The following APIP variants were observed in gnomAD, a reference collection of about 807,000 sequenced individuals.
The protein encoded by APIP is APAF1 interacting protein.
APIP carries 32 observed loss-of-function variants against 32.0 expected under a neutral mutation model. That is an observed-to-expected ratio of 1.00 (90% CI 0.76 to 1.34). APIP has a LOEUF of 1.34. Ranked by LOEUF, APIP falls within the 40% of genes most tolerant of loss-of-function variation. APIP has a pLI of 0.00. For missense variants in APIP, 247 were observed against 298.6 expected (o/e 0.83, Z 1.27); for synonymous variants, 92 against 94.8 (o/e 0.97, Z 0.17).
At chr11:34,908,618 C>T (rs1309036517) in intron 1 of APIP, among the ~76,000 whole-genome samples, 2 of 152,240 alleles carry the variant, frequency 1.3e-5, no homozygotes, top group East Asian at 1.9e-4. Flanking sequence ...AGCTGTGTGC[C>T]CTAAGGCAAG....
intron 1 of APIP, among the ~76,000 whole-genome samples, chr11:34,901,471 CAAAG>C (rs1330138518): frequency 1.8e-4 from 27 of 152,198 alleles, no homozygotes; most frequent in South Asian, 1.0e-3. Context: ...TTCTGGAAAT[CAAAG>C]GAAGGAAGGA....
intron 1 of APIP, among the ~76,000 whole-genome samples, chr11:34,906,092 T>C (rs1853447704): frequency 6.6e-6 from 1 of 152,174 alleles, no homozygotes; most frequent in African/African-American, 2.4e-5. Context: ...GGGAAACTTC[T>C]AAGATATCAG....
At position 34,896,381 on chromosome 11, in the gene APIP, AC is replaced by A. The variant is rs566784026; in HGVS notation, c.58-1272del. 3.8e-3 allele frequency among the ~76,000 whole-genome samples: 573 copies of A among 152,374 alleles called. 3 individuals are homozygous for A. The highest frequency in any genetic ancestry group is 5.9e-3 in the Non-Finnish European group (401 of 68,032). ...ATGTGACACATATACACAATGGAAT[AC>A]TATGCAGCCATAAAAAAGGATGAGC... is the stretch of plus-strand genomic sequence containing the variant. On this transcript the variant is annotated intron_variant, in intron 1 of 6. Transcript: ENST00000395787.
intron 1 of APIP, among the ~76,000 whole-genome samples, chr11:34,901,813 G>A (rs747790484): frequency 4.6e-5 from 7 of 152,134 alleles, no homozygotes; most frequent in South Asian, 2.1e-4. Context: ...AGGATAGGTC[G>A]AGCTATAACC....
intron 1 of APIP, among the ~76,000 whole-genome samples, chr11:34,897,375 T>C (rs1254605165): frequency 6.6e-6 from 1 of 152,200 alleles, no homozygotes; most frequent in East Asian, 1.9e-4. Flanking sequence ...AGGATTAAAA[T>C]GAGATACAAT....
intron 5 of APIP, among the ~76,000 whole-genome samples, chr11:34,884,199 T>C (rs1853018573): frequency 6.6e-6 from 1 of 152,214 alleles, no homozygotes; most frequent in Admixed American, 6.5e-5. Context: ...TAAGCTTTCC[T>C]TTTTACATGA....
At chr11:34,910,161 A>T (rs1213676902) in intron 1 of APIP, among the ~76,000 whole-genome samples, 1 of 152,240 alleles carries the variant, frequency 6.6e-6, no homozygotes, top group African/African-American at 2.4e-5. Flanking sequence ...AATATTCTCC[A>T]GCAATGTTCA....
chr11:34,898,031 C>T lies in APIP; in HGVS notation c.58-2921G>A, dbSNP rs115967092. Among the ~76,000 whole-genome samples the T allele has an allele frequency of 9.9e-3, 1,512 of 152,146 alleles. 31 individuals carry two copies. Among genetic ancestry groups the T allele is most frequent in the African/African-American group, 0.034 (1,392 of 41,494 alleles). On this transcript the variant is annotated intron_variant, in intron 1 of 6. Transcript: ENST00000395787. ...TTATTAAACTCTCCATTCCTTAAAACCACTCCACGTGTGTCCATGTTATTT... is the reference window on the plus strand; with the variant it reads ...TTATTAAACTCTCCATTCCTTAAAATCACTCCACGTGTGTCCATGTTATTT...
chr11:34,914,983 A>G (rs3763936), intron 1 of APIP, among the ~76,000 whole-genome samples: 27,358 of 139,472 alleles, frequency 0.2, 3,745 homozygotes, highest in African/African-American at 0.41. Flanking sequence ...CAGCCTGGGC[A>G]ACAAGAGCAA....
At chr11:34,912,275 C>T (rs534554253) in intron 1 of APIP, among the ~76,000 whole-genome samples, 87 of 152,210 alleles carry the variant, frequency 5.7e-4, no homozygotes, top group African/African-American at 2.0e-3. Context: ...GAATGGGCTA[C>T]AGAGTGTTCA....
At chr11:34,885,356 G>A (rs1853049020) in intron 5 of APIP, among the ~76,000 whole-genome samples, 1 of 151,396 alleles carries the variant, frequency 6.6e-6, no homozygotes, top group African/African-American at 2.4e-5. Context: ...CAGATATGAT[G>A]GTGGTCCTAT....
At chr11:34,886,665 T>A (rs1234482468) in intron 5 of APIP, among the ~76,000 whole-genome samples, 1 of 152,206 alleles carries the variant, frequency 6.6e-6, no homozygotes, top group Non-Finnish European at 1.5e-5. Context: ...CTTAGACAGG[T>A]GTGCCACTTT....
At chr11:34,903,368 G>C (rs190135994) in intron 1 of APIP, among the ~76,000 whole-genome samples, 28 of 152,292 alleles carry the variant, frequency 1.8e-4, no homozygotes, top group Admixed American at 1.5e-3. Context: ...CTCCCTCCAG[G>C]CACAAGTGCT....
intron 2 of APIP, among the ~76,000 whole-genome samples, chr11:34,892,046 A>C (rs529638038): frequency 8.7e-4 from 132 of 152,270 alleles, no homozygotes; most frequent in Middle Eastern, 3.4e-3. Flanking sequence ...AGGAAAACCA[A>C]GGGTACTCTG....
chr11:34,891,608 G>A (rs1189727629), intron 2 of APIP, among the ~76,000 whole-genome samples: 1 of 152,088 alleles, frequency 6.6e-6, no homozygotes. Context: ...GCTTGGAACC[G>A]ATAAAAATCT....
chr11:34,888,378 G>C lies in APIP; in HGVS notation c.376C>G (p.Leu126Val), dbSNP rs1353981598. ...TTAAACTCCCGTCCTGGAAAGAGAA[G>C]TGTGGCCATCACAGCAGCTTTAGAG... ...THSKAAVMATLLFPGREFKIT... is the reference protein window; with the variant it reads ...THSKAAVMATVLFPGREFKIT... The change falls in exon 5 of 7, where the codon CTT becomes GTT. Residue 126 changes from leucine to valine, a missense_variant. Coordinates refer to ENST00000395787, the MANE Select transcript of APIP (RefSeq NM_015957.4). The C allele has an allele frequency of 2.5e-6, 4 of 1,611,150 alleles. No homozygotes were observed. Among genetic ancestry groups the C allele is most frequent in the Middle Eastern group, 1.7e-4 (1 of 6,056 alleles).
At position 34,888,297 on chromosome 11, in the gene APIP, A is replaced by G; in HGVS notation, c.457T>C (p.Tyr153His). The change falls in exon 5 of 7, where the codon TAT becomes CAT. Residue 153 changes from tyrosine (Y) to histidine (H), a missense_variant. Physicochemically the swap from Tyr to His is moderately conservative, Grantham distance 83. Coordinates refer to ENST00000395787, the MANE Select transcript of APIP (RefSeq NM_015957.4). ...AGAAAAAGGAAAAAAAAATACCTAT[A>G]ATACCCTCCGGAAGTACATTTCTTT... ...GIKKCTSGGY[Y>H]RYDDMLVVPI... is the part of the protein sequence containing the mutation. 1.3e-6 allele frequency: 2 copies of G among 1,590,378 alleles called. No individual in the cohort carries two copies. Among genetic ancestry groups the G allele is most frequent in the Non-Finnish European group, 1.7e-6 (2 of 1,172,620 alleles).
chr11:34,888,834 C>T lies in APIP; in HGVS notation c.243G>A (p.Lys81=). The T allele has an allele frequency of 6.6e-7, 1 of 1,506,102 alleles. No homozygotes were observed. Among genetic ancestry groups the T allele is most frequent in the Non-Finnish European group, 8.8e-7 (1 of 1,139,242 alleles). The allele number at this position is 1,506,102 out of a possible 1,614,324, so 93.3% of individuals were successfully genotyped here. The part of the protein sequence containing the change: ...EDMFVCDINE[K]DISGPSPSKK... ...TCGATGGCGAAGGTCCACTTATGTC[C>T]TTTTCATTTATATCACAAACAAACA... Residue 81 remains lysine (K), a synonymous_variant, in exon 4 of 7, where the codon AAG becomes AAA. Transcript: ENST00000395787.
chr11:34,912,364 G>C (rs1853567822), intron 1 of APIP, among the ~76,000 whole-genome samples: 1 of 152,126 alleles, frequency 6.6e-6, no homozygotes, highest in South Asian at 2.1e-4. Flanking sequence ...AAATACACAG[G>C]TCTTGAGAGC....
Sources: allele counts gnomAD v4.1 joint callset (sites outside exome capture counted in the v4.1 genomes callset), GRCh38; gene constraint gnomAD v4.1.1; transcripts MANE v1.5; gene names NCBI Gene and HGNC (gene_info 2026-07-23, HGNC 2026-07-21).